The following KLHL15 variants were observed in gnomAD, a reference collection of about 807,000 sequenced individuals.
KLHL15 encodes kelch-like protein 15.
A neutral mutation model predicts 29.3 loss-of-function variants in KLHL15; 1 was observed. The observed-to-expected ratio is 0.03, with a 90% confidence interval of 0.01 to 0.16. The LOEUF is 0.16. KLHL15 is among the 10% of genes least tolerant of loss of function. The pLI is 1.00. For synonymous variants in KLHL15, 212 were observed against 184.5 expected (o/e 1.15, Z -1.21); for missense variants, 215 against 478.5 (o/e 0.45, Z 5.14).
At chrX:24,012,238 C>T (rs1929590031) in intron 2 of KLHL15, among the ~76,000 whole-genome samples, 1 of 112,664 alleles carries the variant, frequency 8.9e-6, no homozygotes, top group Admixed American at 9.4e-5. Flanking sequence ...GTTTTCTAAT[C>T]TATTTCCAAT....
chrX:24,013,257 G>T (rs1332131474), intron 2 of KLHL15, among the ~76,000 whole-genome samples: 1 of 109,747 alleles, frequency 9.1e-6, no homozygotes. Flanking sequence ...ACTGCACCCA[G>T]CTTAAAAAAA....
intron 1 of KLHL15, 87 bp from the exon 2 acceptor site, chrX:24,025,145 G>A: frequency 3.4e-6 from 1 of 292,679 alleles, no homozygotes; most frequent in Non-Finnish European, 6.0e-6. Context: ...GACCGACCTT[G>A]CCAACGCCGG....
intron 3 of KLHL15, among the ~76,000 whole-genome samples, chrX:23,995,080 T>C (rs1214100956): frequency 9.0e-6 from 1 of 111,643 alleles, no homozygotes; most frequent in African/African-American, 3.3e-5. Context: ...TAACTTTGAA[T>C]ACAGTTCCTG....
intron 2 of KLHL15, among the ~76,000 whole-genome samples, chrX:24,012,996 G>GA (rs199648749): frequency 0.016 from 1,816 of 110,710 alleles, 35 homozygotes; most frequent in African/African-American, 0.054. Context: ...CTATAATTTG[G>GA]AAAAAAAATA....
intron 3 of KLHL15, among the ~76,000 whole-genome samples, chrX:23,999,324 G>A (rs1411398969): frequency 3.6e-5 from 4 of 109,938 alleles, no homozygotes; most frequent in Admixed American, 9.7e-5. Context: ...GGCCTGGCGC[G>A]GTGGCTCATG....
At chrX:23,989,553 A>G (rs1269993772) in intron 3 of KLHL15, among the ~76,000 whole-genome samples, 1 of 111,551 alleles carries the variant, frequency 9.0e-6, no homozygotes, top group Non-Finnish European at 1.9e-5. Context: ...GGCACCTATT[A>G]TGTGAAGCCC....
At position 24,006,322 on chromosome X, in the gene KLHL15, G is replaced by C. The variant is rs143580779; in HGVS notation, c.372C>G (p.Leu124=). The change falls in exon 3 of 4, where the codon CTC becomes CTG. Residue 124 remains leucine, a synonymous_variant. Transcript: ENST00000328046. ...AATTTTCTAGGCAGATCTTCGCTAA[G>C]AGAAAAGAGCAGCAGAACTTCACCA... ...IEVVKFCCSF[L]LAKICLENCA... is the part of the protein sequence containing the mutation. 79 of 1,209,927 alleles carry C rather than the reference G, an allele frequency of 6.5e-5. No individual in the cohort carries two copies. The highest frequency in any genetic ancestry group is 8.7e-5 in the Non-Finnish European group (78 of 895,135).
At chrX:24,018,029 G>A (rs1255192154) in intron 2 of KLHL15, among the ~76,000 whole-genome samples, 4 of 110,937 alleles carry the variant, frequency 3.6e-5, no homozygotes, top group Non-Finnish European at 7.5e-5. Context: ...CGCTTGCGGT[G>A]AGGATGTCGA....
At chrX:24,015,341 G>A (rs1358456085) in intron 2 of KLHL15, among the ~76,000 whole-genome samples, 1 of 112,005 alleles carries the variant, frequency 8.9e-6, no homozygotes, top group Non-Finnish European at 1.9e-5. Context: ...ATAAACTATA[G>A]CTACTTTTAA....
intron 2 of KLHL15, among the ~76,000 whole-genome samples, chrX:24,022,340 A>AT (rs1289334265): frequency 1.3e-5 from 1 of 78,798 alleles, no homozygotes; most frequent in African/African-American, 6.5e-5. Flanking sequence ...GTCTCAAAAG[A>AT]TAAAAAAAAA....
chrX:24,020,551 G>A (rs983608608), intron 2 of KLHL15, among the ~76,000 whole-genome samples: 3 of 111,148 alleles, frequency 2.7e-5, no homozygotes, highest in Admixed American at 1.9e-4. Context: ...CACTTTTCAG[G>A]TATGTTTAGC....
chrX:24,008,678 C>G (rs1450549835), intron 2 of KLHL15, among the ~76,000 whole-genome samples: 1 of 110,431 alleles, frequency 9.1e-6, no homozygotes, highest in Non-Finnish European at 1.9e-5. Context: ...TCCTCCATCC[C>G]TGAATTCTCT....
intron 2 of KLHL15, among the ~76,000 whole-genome samples, chrX:24,015,611 G>GT (rs1929660751): frequency 8.9e-6 from 1 of 112,601 alleles, no homozygotes; most frequent in Admixed American, 9.4e-5. Context: ...AAGGGTATAG[G>GT]TCTGGCGTCA....
At position 24,024,962 on chromosome X, in the gene KLHL15, G is replaced by C. The variant is rs1401966498; in HGVS notation, c.-113C>G. ...TCGGGCGCCGGGACGGCACTCGGCAGGCTCCTCGGACGTCTACGAGCAGCC... is the reference window on the plus strand; with the variant it reads ...TCGGGCGCCGGGACGGCACTCGGCACGCTCCTCGGACGTCTACGAGCAGCC... On this transcript the variant is annotated 5_prime_UTR_variant, in exon 2 of 4. Transcript: ENST00000328046. The C allele has an allele frequency of 3.4e-6, 1 of 297,351 alleles. No individual in the cohort carries two copies. Among genetic ancestry groups the C allele is most frequent in the East Asian group, 4.8e-5 (1 of 20,997 alleles). 24.5% of individuals were successfully genotyped at this position (297,351 alleles called of 1,213,427 possible).
At chrX:24,011,429 A>T (rs1929572843) in intron 2 of KLHL15, among the ~76,000 whole-genome samples, 1 of 110,951 alleles carries the variant, frequency 9.0e-6, no homozygotes, top group South Asian at 3.8e-4. Flanking sequence ...GCGGATCACG[A>T]AGTCAGGAGT....
intron 3 of KLHL15, among the ~76,000 whole-genome samples, chrX:24,004,623 T>C: frequency 9.3e-6 from 1 of 107,777 alleles, no homozygotes; most frequent in East Asian, 3.0e-4. Flanking sequence ...AAACCCTGTC[T>C]CTACTAAAAC....
At chrX:24,025,718 CGGGGGGGAAG>C (rs1569271842) in intron 1 of KLHL15, among the ~76,000 whole-genome samples, 1 of 15,688 alleles carries the variant, frequency 6.4e-5, no homozygotes, top group Non-Finnish European at 1.2e-4. Context: ...GGTGTGGGAA[CGGGGGGGAAG>C]GGGGGGCGGG....
At chrX:24,016,228 T>C (rs1366328760) in intron 2 of KLHL15, among the ~76,000 whole-genome samples, 1 of 100,653 alleles carries the variant, frequency 9.9e-6, no homozygotes, top group African/African-American at 3.7e-5. Flanking sequence ...TAGTCCCAGC[T>C]ACTTGGGAGG....
chrX:24,025,746 G>A (rs1487283522), intron 1 of KLHL15, among the ~76,000 whole-genome samples: 7 of 110,003 alleles, frequency 6.4e-5, no homozygotes, highest in African/African-American at 2.3e-4. Flanking sequence ...GGGGAAGGCT[G>A]TCCCGCGCCC....
Sources: allele counts gnomAD v4.1 joint callset (sites outside exome capture counted in the v4.1 genomes callset), GRCh38; gene constraint gnomAD v4.1.1; transcripts MANE v1.5; gene names NCBI Gene and HGNC (gene_info 2026-07-23, HGNC 2026-07-21).